Variants in LGI1 observed in about 807,000 individuals in gnomAD.
LGI1 encodes the protein leucine-rich glioma-inactivated protein 1.
A neutral mutation model predicts 57.7 loss-of-function variants in LGI1; 11 were observed. The ratio of observed to expected loss-of-function variants is 0.19; its 90% confidence interval spans 0.12 to 0.32. LGI1 has a LOEUF of 0.32. Ranked by LOEUF, LGI1 falls within the 10% of genes least tolerant of loss-of-function variation. LGI1 has a pLI of 1.00. For missense variants in LGI1, 422 were observed against 661.9 expected (o/e 0.64, Z 3.98); for synonymous variants, 222 against 241.9 (o/e 0.92, Z 0.76).
At position 93,797,296 on chromosome 10, in the gene LGI1, A is replaced by G; in HGVS notation, c.1167A>G (p.Arg389=). 1.2e-6 allele frequency: 2 copies of G among 1,614,188 alleles called. No individual in the cohort carries two copies. The highest frequency in any genetic ancestry group is 1.7e-6 in the Non-Finnish European group (2 of 1,180,036). The part of the protein sequence containing the change: ...DTDVEYLEIV[R]TPQTLRTPHL... ...ATGTGGAATATCTAGAAATAGTCAGAACACCTCAGACACTCAGAACGCCTC... is the reference window on the plus strand; with the variant it reads ...ATGTGGAATATCTAGAAATAGTCAGGACACCTCAGACACTCAGAACGCCTC... Residue 389 remains arginine, a synonymous_variant, in exon 8 of 8, where the codon AGA becomes AGG. Coordinates refer to ENST00000371418, the MANE Select transcript of LGI1 (RefSeq NM_005097.4). The surrounding 1 kb of genome is among the most constrained non-coding windows in gnomAD (Gnocchi z 6.5).
intron 7 of LGI1, among the ~76,000 whole-genome samples, chr10:93,794,332 C>CTATGAAAA (rs1355569161): frequency 7.1e-6 from 1 of 140,926 alleles, no homozygotes; most frequent in African/African-American, 2.6e-5. Context: ...CTAATTCTTT[C>CTATGAAAA]TATGAAAACT....
At chr10:93,772,242 G>C (rs532837255) in intron 2 of LGI1, among the ~76,000 whole-genome samples, 3 of 152,126 alleles carry the variant, frequency 2.0e-5, no homozygotes, top group Non-Finnish European at 4.4e-5. Flanking sequence ...TTAAATGTTG[G>C]TGAGGATATG....
chr10:93,778,447 A>G (rs1401286868), intron 4 of LGI1, among the ~76,000 whole-genome samples: 1 of 152,108 alleles, frequency 6.6e-6, no homozygotes, highest in Non-Finnish European at 1.5e-5. Flanking sequence ...AGATTATTTT[A>G]AGGAAACTAG....
chr10:93,796,376 T>A (rs2059979680), intron 7 of LGI1, among the ~76,000 whole-genome samples: 1 of 152,160 alleles, frequency 6.6e-6, no homozygotes, highest in Non-Finnish European at 1.5e-5. Flanking sequence ...TTATCTAAGA[T>A]CTTAGATAAA....
At chr10:93,794,362 C>CTTTTTTTTTTTTTT (rs71031540) in intron 7 of LGI1, among the ~76,000 whole-genome samples, 4 of 101,198 alleles carry the variant, frequency 4.0e-5, no homozygotes, top group Non-Finnish European at 7.4e-5. Context: ...CTGGATCTCT[C>CTTTTTTTTTTTTTT]TTTTTTTTTT....
chr10:93,777,068 A>T, intron 2 of LGI1: 2 of 470,522 alleles, frequency 4.3e-6, no homozygotes, highest in Non-Finnish European at 7.7e-6. Context: ...TGTCATGAAA[A>T]TATGTAAAAT....
chr10:93,765,636 C>T (rs1399240599), intron 2 of LGI1: 1 of 152,116 alleles, frequency 6.6e-6, no homozygotes, highest in African/African-American at 2.4e-5. Flanking sequence ...ATTCTACAAA[C>T]AGTTACGTTA....
chr10:93,793,166 A>G lies in LGI1; in HGVS notation c.674-20A>G. 1 of 1,592,088 alleles carries G rather than the reference A, an allele frequency of 6.3e-7. No individual in the cohort carries two copies. Among genetic ancestry groups the G allele is most frequent in the Non-Finnish European group, 8.6e-7 (1 of 1,164,538 alleles). ...AAGAGGTATTAGCTCACAGTTACTT[A>G]TTATTTCCTATTTTTGCAGAATTTG... On this transcript the variant is annotated intron_variant, in intron 6 of 7. Transcript: ENST00000371418.
intron 4 of LGI1, chr10:93,789,723 A>G: frequency 9.9e-6 from 2 of 201,310 alleles, no homozygotes; most frequent in East Asian, 2.5e-4. Flanking sequence ...AAAATACAAC[A>G]ATTAGCCGGG....
At position 93,781,320 on chromosome 10, in the gene LGI1, T is replaced by C. The variant is rs894106269; in HGVS notation, c.431+3703T>C. ...CTTGCAGTGAGCCGAGATCACGCCA[T>C]TGCACTCCAGCCTAGGTGAAAGAGC... On this transcript the variant is annotated intron_variant, in intron 4 of 7. Transcript: ENST00000371418. 9.9e-5 allele frequency among the ~76,000 whole-genome samples: 15 copies of C among 152,058 alleles called. No individual in the cohort carries two copies. In the East Asian group the frequency reaches 1.9e-3, roughly 20 times the overall value.
At chr10:93,791,848 T>C (rs1408203421) in intron 5 of LGI1, 2 of 152,230 alleles carry the variant, frequency 1.3e-5, no homozygotes, top group Non-Finnish European at 2.9e-5. Context: ...AGTCATTTCC[T>C]ATTTAAACTG....
intron 2 of LGI1, chr10:93,762,334 A>G (rs1183905250): frequency 6.6e-6 from 1 of 152,228 alleles, no homozygotes; most frequent in Non-Finnish European, 1.5e-5. Context: ...TAAATACCTG[A>G]TCCATAAGAA....
chr10:93,797,498 G>A lies in LGI1; in HGVS notation c.1369G>A (p.Val457Ile), dbSNP rs2134026868. The A allele has an allele frequency of 6.2e-7, 1 of 1,614,212 alleles. No homozygotes were observed. Among genetic ancestry groups the A allele is most frequent in the Non-Finnish European group, 8.5e-7 (1 of 1,180,038 alleles). The change falls in exon 8 of 8, where the codon GTC (valine) becomes ATC (isoleucine). Residue 457 changes from valine (V) to isoleucine (I), a missense_variant. By Grantham distance (29) the Val-to-Ile change is conservative. Transcript: ENST00000371418. This position sits in a 1 kb window ranked among gnomAD's most constrained non-coding sequence, Gnocchi z 6.5. ...GACAAGATTCATTGGTGATTCCAAA[G>A]TCATGAAATGGGGAGGCTCCTCGTT... Reference protein sequence around the residue: ...CLTRFIGDSKVMKWGGSSFQD... With the variant: ...CLTRFIGDSKIMKWGGSSFQD...
chr10:93,783,369 C>T (rs931907256), intron 4 of LGI1, among the ~76,000 whole-genome samples: 16 of 152,146 alleles, frequency 1.1e-4, no homozygotes, highest in African/African-American at 3.6e-4. Flanking sequence ...GAGCGAGACT[C>T]CGTCTCCAAT....
Position 93,797,782 on chromosome 10 carries a change from C to T in LGI1, c.1653C>T (p.Val551=). 1 of 1,602,554 alleles carries T rather than the reference C, an allele frequency of 6.2e-7. No homozygotes were observed. Among genetic ancestry groups the T allele is most frequent in the Non-Finnish European group, 8.5e-7 (1 of 1,179,762 alleles). Residue 551 remains valine, a synonymous_variant, in exon 8 of 8, where the codon GTC becomes GTT. Transcript: ENST00000371418. The surrounding 1 kb of genome is among the most constrained non-coding windows in gnomAD (Gnocchi z 6.5). ...FKGNTQIYKH[V]IVDLSA is the part of the protein sequence containing the mutation. ...GAAATACACAGATTTACAAACATGT[C>T]ATAGTTGACTTAAGCGCATGAGACA...
intron 2 of LGI1, chr10:93,759,327 T>G (rs1589747960): frequency 5.9e-6 from 1 of 169,088 alleles, no homozygotes; most frequent in East Asian, 1.7e-4. Context: ...AAGAGACTGT[T>G]TTTTAATCTC....
chr10:93,787,901 TG>T (rs2059903507), intron 4 of LGI1, among the ~76,000 whole-genome samples: 1 of 93,678 alleles, frequency 1.1e-5, no homozygotes, highest in Admixed American at 1.4e-4. Flanking sequence ...AGTGAGACCC[TG>T]TCTCAAAAAA....
intron 2 of LGI1, chr10:93,759,265 G>A: frequency 5.9e-6 from 1 of 168,106 alleles, no homozygotes; most frequent in Admixed American, 5.8e-5. Flanking sequence ...ACCATGTGGG[G>A]AAAAAAAACA....
intron 4 of LGI1, among the ~76,000 whole-genome samples, chr10:93,779,883 T>C (rs1285584172): frequency 1.3e-5 from 2 of 152,248 alleles, no homozygotes; most frequent in South Asian, 4.1e-4. Flanking sequence ...GTTAAGGCTG[T>C]GGCTAAATGA....
Sources: allele counts gnomAD v4.1 joint callset (sites outside exome capture counted in the v4.1 genomes callset), GRCh38; gene constraint gnomAD v4.1.1; non-coding constraint Gnocchi (gnomAD v3.1); transcripts MANE v1.5; gene names NCBI Gene and HGNC (gene_info 2026-07-23, HGNC 2026-07-21).